INSL4: variants seen among roughly 807,000 people sequenced by gnomAD.
INSL4 encodes the protein insulin like 4, also known as early placenta insulin-like peptide.
A neutral mutation model predicts 6.5 loss-of-function variants in INSL4; 7 were observed. That is an observed-to-expected ratio of 1.08 (90% CI 0.61 to 2.02). INSL4 has a LOEUF of 2.02. Ranked by LOEUF, INSL4 falls within the 30% of genes most tolerant of loss-of-function variation. The probability of loss-of-function intolerance (pLI) is 0.00; values close to 1 mark genes in which losing one functional copy is unlikely to be tolerated. For missense variants in INSL4, 226 were observed against 163.2 expected (o/e 1.38, Z -2.09); for synonymous variants, 82 against 65.8 (o/e 1.25, Z -1.19).
In INSL4 at chr9:5,234,802, G is replaced by T. The variant is rs922389176; in HGVS notation, c.*925G>T. ...GAAGCTGCTACTACCTCATTATCAG[G>T]TCCTATAAACTTAATTCAAGTGGCA... On this transcript the variant is annotated 3_prime_UTR_variant, in exon 2 of 2. Coordinates refer to ENST00000239316, the MANE Select transcript of INSL4 (RefSeq NM_002195.2). The T allele has an allele frequency of 7.9e-5, 12 of 151,928 alleles. No homozygotes were observed. The highest frequency in any genetic ancestry group is 2.7e-4 in the African/African-American group (11 of 41,370). The allele number at this position is 151,928 out of a possible 1,614,324, so 9.4% of individuals were successfully genotyped here.
At position 5,234,373 on chromosome 9, in the gene INSL4, T is replaced by A. The variant is rs1048794465; in HGVS notation, c.*496T>A. 6.4e-6 allele frequency: 1 copy of A among 156,930 alleles called. No individual in the cohort carries two copies. The highest frequency in any genetic ancestry group is 1.9e-4 in the East Asian group (1 of 5,352). 9.7% of individuals were successfully genotyped at this position (156,930 alleles called of 1,614,324 possible). A position where few individuals can be genotyped will look rare whatever the true frequency, so the allele number is the denominator to read the frequency against. ...CACTCAAGTCTCTTCATTTTTCCTC[T>A]TTTCACACTAGAAGAAATGTAAGAG... is the stretch of plus-strand genomic sequence containing the variant. On this transcript the variant is annotated 3_prime_UTR_variant, in exon 2 of 2. Coordinates refer to ENST00000239316, the MANE Select transcript of INSL4 (RefSeq NM_002195.2).
At position 5,235,267 on chromosome 9, in the gene INSL4, T is replaced by C. The variant is rs1401223330; in HGVS notation, c.*1390T>C. On this transcript the variant is annotated 3_prime_UTR_variant, in exon 2 of 2. Coordinates refer to ENST00000239316, the MANE Select transcript of INSL4 (RefSeq NM_002195.2). ...CAAACGATTCCACACAATGCAGCTATGGGGTTTAGGCTGCATCCTGGAGTA... is the reference window on the plus strand; with the variant it reads ...CAAACGATTCCACACAATGCAGCTACGGGGTTTAGGCTGCATCCTGGAGTA... 1 of 152,556 alleles carries C rather than the reference T, an allele frequency of 6.6e-6. No individual in the cohort carries two copies. Among genetic ancestry groups the C allele is most frequent in the Non-Finnish European group, 1.5e-5 (1 of 68,030 alleles). 9.5% of individuals were successfully genotyped at this position (152,556 alleles called of 1,614,324 possible).
chr9:5,231,848 T>G (rs1464592155), intron 1 of INSL4, 129 bp downstream of exon 1: 1 of 764,190 alleles, frequency 1.3e-6, no homozygotes, highest in African/African-American at 1.8e-5. Flanking sequence ...TTTTTCATTG[T>G]AATGTGCTTT....
rs1216615649 is a variant in INSL4 at position 5,234,730 on chromosome 9, T to C, written c.*853T>C. On this transcript the variant is annotated 3_prime_UTR_variant, in exon 2 of 2. Coordinates refer to ENST00000239316, the MANE Select transcript of INSL4 (RefSeq NM_002195.2). The stretch of plus-strand genomic sequence containing the variant: ...AAATCAAAGAGTACATTTTATACTC[T>C]GTCAGTGAGGTTCTACTAGTTGTGT... 2 of 152,174 alleles carry C rather than the reference T, an allele frequency of 1.3e-5. No homozygotes were observed. Among genetic ancestry groups the C allele is most frequent in the Admixed American group, 6.6e-5 (1 of 15,254 alleles). 9.4% of individuals were successfully genotyped at this position (152,174 alleles called of 1,614,324 possible).
chr9:5,231,729 C>A lies in INSL4; in HGVS notation c.196+10C>A, dbSNP rs774801321. The A allele has an allele frequency of 6.2e-7, 1 of 1,611,678 alleles. No homozygotes were observed. ...TCTGGACGTCCCAAAGGTGAGAGCC[C>A]TGGACTACCAAACAATCAGAATGAG... On this transcript the variant is annotated intron_variant, in intron 1 of 1. Coordinates refer to ENST00000239316, the MANE Select transcript of INSL4 (RefSeq NM_002195.2).
intron 1 of INSL4, among the ~76,000 whole-genome samples, chr9:5,232,446 T>G (rs1826162238): frequency 6.6e-6 from 1 of 152,144 alleles, no homozygotes; most frequent in South Asian, 2.1e-4. Flanking sequence ...CCTGGATGAC[T>G]AGAGGGGAAA....
Position 5,234,856 on chromosome 9 carries a change from A to ACT in INSL4, c.*979_*980insCT, listed in dbSNP as rs1826203461. 3 of 152,158 alleles carry ACT rather than the reference A, an allele frequency of 2.0e-5. No individual in the cohort carries two copies. The highest frequency in any genetic ancestry group is 4.4e-5 in the Non-Finnish European group (3 of 68,054). 9.4% of individuals were successfully genotyped at this position (152,158 alleles called of 1,614,324 possible). On this transcript the variant is annotated 3_prime_UTR_variant, in exon 2 of 2. Coordinates refer to ENST00000239316, the MANE Select transcript of INSL4 (RefSeq NM_002195.2). ...TTTGAGTAGCCCCCTGTGCCTGCCC[A>ACT]TAAAGTGCTCTGAATCTAGTGTGGG... is the stretch of plus-strand genomic sequence containing the variant.
At position 5,231,499 on chromosome 9, in the gene INSL4, C is replaced by A. The variant is rs767595400; in HGVS notation, c.-25C>A. 1.9e-6 allele frequency: 3 copies of A among 1,603,420 alleles called. No individual in the cohort carries two copies. Among genetic ancestry groups the A allele is most frequent in the Non-Finnish European group, 2.6e-6 (3 of 1,174,802 alleles). On this transcript the variant is annotated 5_prime_UTR_variant, in exon 1 of 2. Coordinates refer to ENST00000239316, the MANE Select transcript of INSL4 (RefSeq NM_002195.2). Reference sequence around the variant, plus strand: ...TCTCTAAAGAAAGGCTGAGAACACCCAGAACAGGAGAGTTCAGGTCCAGGA... The same window carrying A: ...TCTCTAAAGAAAGGCTGAGAACACCAAGAACAGGAGAGTTCAGGTCCAGGA...
In INSL4 at chr9:5,233,787, C is replaced by T. The variant is rs1826184530; in HGVS notation, c.330C>T (p.Ser110=). 1 of 1,613,646 alleles carries T rather than the reference C, an allele frequency of 6.2e-7. No homozygotes were observed. Among genetic ancestry groups the T allele is most frequent in the Non-Finnish European group, 8.5e-7 (1 of 1,179,716 alleles). The change falls in exon 2 of 2, where the codon TCC becomes TCT. Residue 110 remains serine, a synonymous_variant. Transcript: ENST00000239316. Reference sequence around the variant, plus strand: ...CATCATTGAAGAAAATAATACTTTCCCGCAAAAAGAGAAGTGGACGTCACA... The same window carrying T: ...CATCATTGAAGAAAATAATACTTTCTCGCAAAAAGAGAAGTGGACGTCACA... ...GQPSLKKIIL[S]RKKRSGRHRF...
chr9:5,233,714 T>C lies in INSL4; in HGVS notation c.257T>C (p.Ile86Thr), dbSNP rs770661312. ...GQALGTTSEF[I>T]PNLSPELKKP... is the part of the protein sequence containing the mutation. ...GCCTTAGGTACGACATCAGAATTCATTCCTAATTTGTCACCAGAGCTGAAG... is the reference window on the plus strand; with the variant it reads ...GCCTTAGGTACGACATCAGAATTCACTCCTAATTTGTCACCAGAGCTGAAG... Residue 86 changes from isoleucine (I) to threonine (T), a missense_variant, in exon 2 of 2, where the codon ATT becomes ACT. Physicochemically the swap from Ile to Thr is moderately conservative, Grantham distance 89. Coordinates refer to ENST00000239316, the MANE Select transcript of INSL4 (RefSeq NM_002195.2). 3 of 1,613,728 alleles carry C rather than the reference T, an allele frequency of 1.9e-6. No individual in the cohort carries two copies. Among genetic ancestry groups the C allele is most frequent in the East Asian group, 2.2e-5 (1 of 44,864 alleles).
rs946390476 is a variant in INSL4, at chr9:5,234,858, A to T, written c.*981A>T. ...TGAGTAGCCCCCTGTGCCTGCCCAT[A>T]AAGTGCTCTGAATCTAGTGTGGGAC... is the stretch of plus-strand genomic sequence containing the variant. On this transcript the variant is annotated 3_prime_UTR_variant, in exon 2 of 2. Transcript: ENST00000239316. 2.0e-5 allele frequency: 3 copies of T among 152,144 alleles called. No individual in the cohort carries two copies. Among genetic ancestry groups the T allele is most frequent in the Non-Finnish European group, 4.4e-5 (3 of 68,054 alleles). The allele number at this position is 152,144 out of a possible 1,614,324, so 9.4% of individuals were successfully genotyped here.
chr9:5,232,153 C>G (rs373756397), intron 1 of INSL4, among the ~76,000 whole-genome samples: 33 of 152,066 alleles, frequency 2.2e-4, no homozygotes, highest in African/African-American at 7.5e-4. Context: ...AGGGGACAAA[C>G]AGTGAGGTGA....
Position 5,233,966 on chromosome 9 carries a change from TATTAGAA to T in INSL4, c.*90_*96del. ...GATGCCCAATTAAATGATTGCTGTT[TATTAGAA>T]CATGAGAATCATTATTAGTATTCAC... On this transcript the variant is annotated 3_prime_UTR_variant, in exon 2 of 2. Coordinates refer to ENST00000239316, the MANE Select transcript of INSL4 (RefSeq NM_002195.2). 1.2e-6 allele frequency: 1 copy of T among 833,106 alleles called. No homozygotes were observed. The highest frequency in any genetic ancestry group is 1.6e-5 in the South Asian group (1 of 63,734). 51.6% of individuals were successfully genotyped at this position (833,106 alleles called of 1,614,324 possible).
intron 1 of INSL4, among the ~76,000 whole-genome samples, chr9:5,232,133 T>C (rs1431827486): frequency 1.3e-5 from 2 of 152,106 alleles, no homozygotes; most frequent in African/African-American, 4.8e-5. Flanking sequence ...GCATCTTCAA[T>C]TAAGAAGAAA....
chr9:5,231,500 A>C lies in INSL4; in HGVS notation c.-24A>C. The stretch of plus-strand genomic sequence containing the variant: ...CTCTAAAGAAAGGCTGAGAACACCC[A>C]GAACAGGAGAGTTCAGGTCCAGGAT... On this transcript the variant is annotated 5_prime_UTR_variant, in exon 1 of 2. Transcript: ENST00000239316. 6.2e-7 allele frequency: 1 copy of C among 1,604,274 alleles called. No individual in the cohort carries two copies.
rs1219796950 is a variant in INSL4, at chr9:5,234,343, A to G, written c.*466A>G. ...CACACATAAACACATACGTTCACAC[A>G]CACTCACTCAAGTCTCTTCATTTTT... On this transcript the variant is annotated 3_prime_UTR_variant, in exon 2 of 2. Transcript: ENST00000239316. 6.3e-6 allele frequency: 1 copy of G among 158,780 alleles called. No individual in the cohort carries two copies. Among genetic ancestry groups the G allele is most frequent in the Non-Finnish European group, 1.4e-5 (1 of 72,264 alleles). The allele number at this position is 158,780 out of a possible 1,614,324, so 9.8% of individuals were successfully genotyped here.
Position 5,231,724 on chromosome 9 carries a change from G to C in INSL4, c.196+5G>C. ...TGGAATCTGGACGTCCCAAAGGTGA[G>C]AGCCCTGGACTACCAAACAATCAGA... is the stretch of plus-strand genomic sequence containing the variant. On this transcript the variant is annotated splice_donor_5th_base_variant and intron_variant, in intron 1 of 1. Coordinates refer to ENST00000239316, the MANE Select transcript of INSL4 (RefSeq NM_002195.2). The C allele has an allele frequency of 5.0e-6, 8 of 1,612,912 alleles. No individual in the cohort carries two copies. Among genetic ancestry groups the C allele is most frequent in the Admixed American group, 1.7e-5 (1 of 59,956 alleles).
In INSL4 at chr9:5,234,427, G is replaced by A. The variant is rs1826196275; in HGVS notation, c.*550G>A. On this transcript the variant is annotated 3_prime_UTR_variant, in exon 2 of 2. Transcript: ENST00000239316. The stretch of plus-strand genomic sequence containing the variant: ...AAGGATCTAACCATCTCTAACATCA[G>A]CTCATAGTACGGAGGAAAAGCAGTG... 6.4e-6 allele frequency: 1 copy of A among 155,780 alleles called. No individual in the cohort carries two copies. The highest frequency in any genetic ancestry group is 6.4e-5 in the Admixed American group (1 of 15,696). The allele number at this position is 155,780 out of a possible 1,614,324, so 9.6% of individuals were successfully genotyped here. A position where few individuals can be genotyped will look rare whatever the true frequency, so the allele number is the denominator to read the frequency against.
intron 1 of INSL4, 108 bp downstream of exon 1, chr9:5,231,827 C>T (rs1413387766): frequency 1.0e-6 from 1 of 957,456 alleles, no homozygotes. Flanking sequence ...CTAGTGCCTA[C>T]AAGTTTGTGG....
Sources: allele counts gnomAD v4.1 joint callset (sites outside exome capture counted in the v4.1 genomes callset), GRCh38; gene constraint gnomAD v4.1.1; transcripts MANE v1.5; gene names NCBI Gene and HGNC (gene_info 2026-07-23, HGNC 2026-07-21).